Variants in PDE1A observed in about 807,000 individuals in gnomAD.
PDE1A encodes dual specificity calcium/calmodulin-dependent 3',5'-cyclic nucleotide phosphodiesterase 1A.
In PDE1A, 35 loss-of-function variants were observed where a neutral mutation model predicts 61.7. The observed-to-expected ratio is 0.57, with a 90% CI of 0.43 to 0.75. PDE1A has a LOEUF of 0.75. PDE1A is among the 30% of genes least tolerant of loss of function. PDE1A has a pLI of 0.00. For missense variants in PDE1A, 597 were observed against 630.6 expected, an observed-to-expected ratio of 0.95 and a Z score of 0.57; for synonymous variants, 232 against 213.2, an observed-to-expected ratio of 1.09 and a Z score of -0.77.
At chr2:182,549,692 G>A in the PDE1A span, among the ~76,000 whole-genome samples, 2 of 152,010 alleles carry the variant, frequency 1.3e-5, no homozygotes, top group Non-Finnish European at 2.9e-5. Context: ...CAGAAGCAAC[G>A]TTATTATTCT....
At chr2:182,149,308 T>G (rs1690653218) in intron 13 of PDE1A, among the ~76,000 whole-genome samples, 2 of 151,988 alleles carry the variant, frequency 1.3e-5, no homozygotes, top group African/African-American at 4.8e-5. Context: ...AAATCAGCAG[T>G]AATAAAAGAG....
At chr2:182,497,466 G>C (rs1688785203) in intron 2 of PDE1A, among the ~76,000 whole-genome samples, 1 of 152,144 alleles carries the variant, frequency 6.6e-6, no homozygotes, top group East Asian at 1.9e-4. Flanking sequence ...CTCAGTACCT[G>C]GTAACTATTG....
At chr2:182,411,887 G>A (rs773014511) in intron 1 of PDE1A, among the ~76,000 whole-genome samples, 2 of 151,674 alleles carry the variant, frequency 1.3e-5, no homozygotes, top group Admixed American at 6.6e-5. Flanking sequence ...GTGAAACCCC[G>A]TCTCTACTAA....
intron 2 of PDE1A, among the ~76,000 whole-genome samples, chr2:182,262,085 C>T (rs1692251630): frequency 6.6e-6 from 1 of 152,016 alleles, no homozygotes; most frequent in Non-Finnish European, 1.5e-5. Context: ...TACATTCATA[C>T]ACATTCAGTG....
chr2:182,543,722 C>A, the PDE1A span, among the ~76,000 whole-genome samples: 1 of 151,818 alleles, frequency 6.6e-6, no homozygotes, highest in East Asian at 1.9e-4. Context: ...CTCAATTTAT[C>A]TTTCAAGGTC....
chr2:182,431,106 T>TA (rs1158822621), upstream of PDE1A, among the ~76,000 whole-genome samples: 426 of 55,730 alleles, frequency 7.6e-3, 3 homozygotes, highest in Middle Eastern at 0.011. Flanking sequence ...TAGAGTATAA[T>TA]AAAAAAAAAA....
the PDE1A span, among the ~76,000 whole-genome samples, chr2:182,705,758 C>A: frequency 6.6e-6 from 1 of 152,282 alleles, no homozygotes; most frequent in Admixed American, 6.5e-5. Context: ...AAATGATCCA[C>A]CTGCCTTGGC....
At position 182,252,975 on chromosome 2, in the gene PDE1A, C is replaced by A. The variant is rs1383900; in HGVS notation, c.167+11326G>T. 1.6e-3 allele frequency among the ~76,000 whole-genome samples: 248 copies of A among 152,226 alleles called. 1 individual carries two copies. Among genetic ancestry groups the A allele is most frequent in the Non-Finnish European group, 2.5e-3 (172 of 68,016 alleles). ...TTTGTATGTAGAAAAATGTAAGTCC[C>A]TCATTTCTAGTACTTGATACTTGCT... On this transcript the variant is annotated intron_variant, in intron 2 of 13. Coordinates refer to ENST00000351439, the Ensembl canonical transcript of PDE1A.
At chr2:182,712,380 T>C in the PDE1A span, among the ~76,000 whole-genome samples, 1 of 152,218 alleles carries the variant, frequency 6.6e-6, no homozygotes, top group Non-Finnish European at 1.5e-5. Context: ...TGTTAATTTC[T>C]GGATTTTGAT....
intron 1 of PDE1A, among the ~76,000 whole-genome samples, chr2:182,384,461 T>TAATAATAATAATAAC (rs1173371234): frequency 2.1e-3 from 196 of 94,328 alleles, no homozygotes; most frequent in African/African-American, 5.7e-3. Context: ...AAAGAGAAAA[T>TAATAATAATAATAAC]AATAATAATA....
the PDE1A span, among the ~76,000 whole-genome samples, chr2:182,533,580 A>G: frequency 6.6e-6 from 1 of 152,166 alleles, no homozygotes; most frequent in African/African-American, 2.4e-5. Flanking sequence ...AAAAATCAAG[A>G]TATAGAGACT....
the PDE1A span, among the ~76,000 whole-genome samples, chr2:182,579,697 T>C: frequency 6.6e-6 from 1 of 152,048 alleles, no homozygotes; most frequent in Non-Finnish European, 1.5e-5. Context: ...TTTTCCATCA[T>C]ACCTAGAAGC....
At chr2:182,581,965 T>C in the PDE1A span, among the ~76,000 whole-genome samples, 4 of 152,182 alleles carry the variant, frequency 2.6e-5, no homozygotes, top group East Asian at 5.8e-4. Context: ...GCTCTCCAAC[T>C]GCTCCAGGTA....
At chr2:182,292,781 G>C (rs1233473401) in intron 1 of PDE1A, among the ~76,000 whole-genome samples, 1 of 151,864 alleles carries the variant, frequency 6.6e-6, no homozygotes, top group South Asian at 2.1e-4. Context: ...TTAAAAGTTT[G>C]ATGTTTCTCA....
the PDE1A span, among the ~76,000 whole-genome samples, chr2:182,675,601 C>T: frequency 1.3e-5 from 2 of 152,170 alleles, no homozygotes. Flanking sequence ...CATTTCTCTG[C>T]AACTTCTCCA....
chr2:182,688,479 G>C, the PDE1A span, among the ~76,000 whole-genome samples: 1 of 152,138 alleles, frequency 6.6e-6, no homozygotes, highest in Non-Finnish European at 1.5e-5. Flanking sequence ...AGCAAATGCC[G>C]AGAGATTTTG....
intron 2 of PDE1A, among the ~76,000 whole-genome samples, chr2:182,513,706 T>G (rs925937739): frequency 6.6e-5 from 10 of 152,132 alleles, no homozygotes. Flanking sequence ...GAGACTCATC[T>G]CACATGTGAT....
chr2:182,443,785 ACT>A (rs1684953082), intron 2 of PDE1A, among the ~76,000 whole-genome samples: 1 of 148,494 alleles, frequency 6.7e-6, no homozygotes, highest in African/African-American at 2.5e-5. Context: ...CTCACTGCAA[ACT>A]CTGCCTCCTG....
intron 2 of PDE1A, among the ~76,000 whole-genome samples, chr2:182,492,236 T>C (rs17265322): frequency 0.052 from 7,992 of 152,258 alleles, 247 homozygotes; most frequent in Middle Eastern, 0.099. Context: ...TACACTATAA[T>C]TATTTATACC....
Sources: allele counts gnomAD v4.1 joint callset (sites outside exome capture counted in the v4.1 genomes callset), GRCh38; gene constraint gnomAD v4.1.1; transcripts MANE v1.5; gene names NCBI Gene and HGNC (gene_info 2026-07-23, HGNC 2026-07-21).